The following SLC25A51 variants were observed in gnomAD, a reference collection of about 807,000 sequenced individuals.
SLC25A51 encodes solute carrier family 25 member 51.
A neutral mutation model predicts 19.1 loss-of-function variants in SLC25A51; 11 were observed. The observed-to-expected ratio is 0.58, with a 90% CI of 0.36 to 0.96. SLC25A51 has a LOEUF of 0.96. Among genes scored for constraint, SLC25A51 ranks in the 40% least tolerant of loss-of-function variants. The pLI is 0.01. For missense variants in SLC25A51, 201 were observed against 365.4 expected (o/e 0.55, Z 3.67); for synonymous variants, 105 against 133.6 (o/e 0.79, Z 1.47).
chr9:37,884,860 G>C (rs2118298622), downstream of SLC25A51, among the ~76,000 whole-genome samples: 1 of 152,276 alleles, frequency 6.6e-6, no homozygotes, highest in African/African-American at 2.4e-5. Flanking sequence ...AGGACATTTT[G>C]GAAGGGTTGA....
intron 3 of SLC25A51, among the ~76,000 whole-genome samples, chr9:37,881,192 A>G (rs1831341921): frequency 6.9e-6 from 1 of 144,366 alleles, no homozygotes. Flanking sequence ...CTGAAGGCAA[A>G]AGTAGATATA....
chr9:37,903,314 T>C lies in SLC25A51; in HGVS notation c.-165+754A>G, dbSNP rs1274175046. Reference sequence around the variant, plus strand: ...GAAAAACAGAAGGTGGGAATTAAGATCAGCTAGGTAGAGCTGTGAGATGCA... The same window carrying C: ...GAAAAACAGAAGGTGGGAATTAAGACCAGCTAGGTAGAGCTGTGAGATGCA... On this transcript the variant is annotated intron_variant, in intron 1 of 2. Coordinates refer to ENST00000242275, the MANE Select transcript of SLC25A51 (RefSeq NM_033412.4). 1.1e-4 allele frequency among the ~76,000 whole-genome samples: 17 copies of C among 152,300 alleles called. 1 individual carries two copies. The East Asian group carries it at 2.7e-3, about 24-fold the overall frequency.
intron 1 of SLC25A51, among the ~76,000 whole-genome samples, chr9:37,902,381 T>C (rs894971115): frequency 1.3e-5 from 2 of 152,198 alleles, no homozygotes; most frequent in Non-Finnish European, 2.9e-5. Flanking sequence ...TTACTGTACA[T>C]TGAGATTCTC....
intron 2 of SLC25A51, among the ~76,000 whole-genome samples, chr9:37,898,696 C>T (rs375787097): frequency 6.3e-4 from 95 of 151,904 alleles, no homozygotes; most frequent in African/African-American, 2.1e-3. Context: ...GCAGCCTGGG[C>T]GACACAGCAA....
chr9:37,888,620 A>T, intron 2 of SLC25A51, 28 bp from the exon 3 acceptor site: 1 of 1,519,116 alleles, frequency 6.6e-7, no homozygotes, highest in Non-Finnish European at 8.8e-7. Flanking sequence ...CAACGGGTAA[A>T]CCCGTTTTAT....
At chr9:37,902,039 T>C (rs1831859353) in intron 1 of SLC25A51, among the ~76,000 whole-genome samples, 1 of 152,242 alleles carries the variant, frequency 6.6e-6, no homozygotes, top group African/African-American at 2.4e-5. Flanking sequence ...TTACATGATA[T>C]TGTGACAATT....
At chr9:37,893,888 C>T (rs1831651598) in intron 2 of SLC25A51, among the ~76,000 whole-genome samples, 1 of 152,212 alleles carries the variant, frequency 6.6e-6, no homozygotes, top group African/African-American at 2.4e-5. Context: ...GGTCTCTTCT[C>T]ACCTGAACTA....
At chr9:37,886,399 C>A, downstream of SLC25A51, 2 of 1,579,962 alleles carry the variant, frequency 1.3e-6, no homozygotes, top group African/African-American at 1.3e-5. Context: ...AAGATCCTCA[C>A]TTTGGCAGTG....
downstream of SLC25A51, chr9:37,887,594 C>T: frequency 2.0e-6 from 3 of 1,482,252 alleles, no homozygotes; most frequent in Non-Finnish European, 2.7e-6. Flanking sequence ...AAAAAAGAGG[C>T]CAAACTGCAT....
intron 2 of SLC25A51, among the ~76,000 whole-genome samples, chr9:37,899,014 C>T (rs577062011): frequency 6.6e-6 from 1 of 152,318 alleles, no homozygotes; most frequent in South Asian, 2.1e-4. Flanking sequence ...CTAGCTCCAC[C>T]ACACATGTAC....
downstream of SLC25A51, among the ~76,000 whole-genome samples, chr9:37,883,468 A>G (rs1188556501): frequency 6.6e-6 from 1 of 152,268 alleles, no homozygotes; most frequent in Non-Finnish European, 1.5e-5. Context: ...CATTTTCTTT[A>G]GAATTCTCAC....
intron 1 of SLC25A51, among the ~76,000 whole-genome samples, chr9:37,903,261 G>A (rs1227628432): frequency 6.6e-6 from 1 of 152,088 alleles, no homozygotes; most frequent in Non-Finnish European, 1.5e-5. Context: ...ACATTTCAAG[G>A]GCTTCTGTTT....
At chr9:37,878,206 C>A, downstream of SLC25A51, 1 of 171,508 alleles carries the variant, frequency 5.8e-6, no homozygotes, top group South Asian at 1.6e-4. Context: ...AGGAAAAGTC[C>A]TGCAATCTAA....
rs572651691 is a variant in SLC25A51 at position 37,903,136 on chromosome 9, A to G, written c.-165+932T>C. ...GCGCTAAGGGTGATTCCAGTTCCAA[A>G]GCGGTAACCTGTGCTCTAAACCACT... is the stretch of plus-strand genomic sequence containing the variant. On this transcript the variant is annotated intron_variant, in intron 1 of 2. Coordinates refer to ENST00000242275, the MANE Select transcript of SLC25A51 (RefSeq NM_033412.4). Among the ~76,000 whole-genome samples, 3 of 152,338 alleles carry G rather than the reference A, an allele frequency of 2.0e-5. No individual in the cohort carries two copies. The East Asian group carries it at 5.8e-4, about 29-fold the overall frequency.
chr9:37,886,163 C>G, downstream of SLC25A51: 1 of 1,458,788 alleles, frequency 6.9e-7, no homozygotes, highest in Non-Finnish European at 9.6e-7. Context: ...TACCCTGATC[C>G]TGTTCCAAGG....
intron 2 of SLC25A51, among the ~76,000 whole-genome samples, chr9:37,882,490 G>A (rs868855715): frequency 3.9e-5 from 6 of 152,142 alleles, no homozygotes; most frequent in Admixed American, 1.3e-4. Flanking sequence ...ATACACAAAC[G>A]CTTCTGTTTT....
chr9:37,902,971 T>C (rs1438839053), intron 1 of SLC25A51, among the ~76,000 whole-genome samples: 1 of 152,212 alleles, frequency 6.6e-6, no homozygotes, highest in Non-Finnish European at 1.5e-5. Context: ...TCAGCCTGGG[T>C]CTAGTCCTAG....
intron 2 of SLC25A51, among the ~76,000 whole-genome samples, chr9:37,891,386 G>A (rs1831581512): frequency 6.6e-6 from 1 of 152,246 alleles, no homozygotes; most frequent in Admixed American, 6.5e-5. Context: ...AACGGGCCAT[G>A]ATGACGATGG....
intron 2 of SLC25A51, among the ~76,000 whole-genome samples, chr9:37,895,668 G>C (rs548972678): frequency 6.6e-6 from 1 of 152,030 alleles, no homozygotes; most frequent in South Asian, 2.1e-4. Context: ...GTCAAATTGT[G>C]GCAAATAATT....
Sources: gnomAD v4.1 joint callset for allele counts (sites outside exome capture counted in the v4.1 genomes callset) on GRCh38, gnomAD v4.1.1 for gene constraint, MANE v1.5 for transcripts, NCBI Gene and HGNC (gene_info 2026-07-23, HGNC 2026-07-21) for gene names.